The following SORCS3 variants were observed in gnomAD, a reference collection of about 807,000 sequenced individuals.
The protein encoded by SORCS3 is sortilin related VPS10 domain containing receptor 3, also known as VPS10 domain-containing receptor SorCS3.
SORCS3 carries 57 observed loss-of-function variants against 146.3 expected under a neutral mutation model. The ratio of observed to expected loss-of-function variants is 0.39; its 90% CI spans 0.31 to 0.49. The LOEUF (loss-of-function observed/expected upper bound fraction) is 0.49, where lower values mean the gene tolerates loss of function less well. Among genes scored for constraint, SORCS3 ranks in the 20% least tolerant of loss-of-function variants. The pLI is 0.92. For synonymous variants in SORCS3, 653 were observed against 618.5 expected, an observed-to-expected ratio of 1.06 and a Z score of -0.83; for missense variants, 1,341 against 1,575.5, an observed-to-expected ratio of 0.85 and a Z score of 2.52.
intron 5 of SORCS3, among the ~76,000 whole-genome samples, chr10:105,088,048 C>A (rs1197912250): frequency 6.6e-6 from 1 of 152,138 alleles, no homozygotes; most frequent in Non-Finnish European, 1.5e-5. Context: ...GGAAGGACTG[C>A]TGGAGGGGCA....
At chr10:104,649,230 AG>A (rs1256175849) in intron 1 of SORCS3, among the ~76,000 whole-genome samples, 1 of 152,146 alleles carries the variant, frequency 6.6e-6, no homozygotes, top group Non-Finnish European at 1.5e-5. Context: ...TGGATTTTGC[AG>A]CCAGGTGCCT....
intron 7 of SORCS3, among the ~76,000 whole-genome samples, chr10:105,112,827 C>G (rs11192321): frequency 4.6e-5 from 7 of 152,030 alleles, no homozygotes; most frequent in Admixed American, 2.6e-4. Context: ...AAGATGAGGA[C>G]GAGAGACTTT....
chr10:104,835,805 T>C (rs1347140713), intron 1 of SORCS3, among the ~76,000 whole-genome samples: 1 of 152,238 alleles, frequency 6.6e-6, no homozygotes, highest in African/African-American at 2.4e-5. Flanking sequence ...CTAGAAGCTC[T>C]TGTCTTCTGA....
intron 4 of SORCS3, among the ~76,000 whole-genome samples, chr10:105,016,155 A>ATATTTTTTT (rs71482443): frequency 4.9e-5 from 5 of 101,344 alleles, no homozygotes; most frequent in African/African-American, 1.9e-4. Context: ...ATATATATAT[A>ATATTTTTTT]TTTTTTTTTT....
At position 104,815,448 on chromosome 10, in the gene SORCS3, C is replaced by CAAA. The variant is rs5787549; in HGVS notation, c.628-27323_628-27321dup. 2.6e-3 allele frequency among the ~76,000 whole-genome samples: 207 copies of CAAA among 78,852 alleles called. 4 individuals carry two copies. The highest frequency in any genetic ancestry group is 7.6e-3 in the Middle Eastern group (1 of 132). 51.7% of individuals were successfully genotyped at this position (78,852 alleles called of 152,430 possible). A position where few individuals can be genotyped will look rare whatever the true frequency, so the allele number is the denominator to read the frequency against. ...TAGGTGACAGAGCCAGACCCTGTCTCAAAAAAAAAAAAAAAAAAAAAAAGT... is the reference window on the plus strand; with the variant it reads ...TAGGTGACAGAGCCAGACCCTGTCTCAAAAAAAAAAAAAAAAAAAAAAAAAAGT... On this transcript the variant is annotated intron_variant, in intron 1 of 26. Transcript: ENST00000369701.
intron 6 of SORCS3, among the ~76,000 whole-genome samples, chr10:105,095,664 G>C (rs565774916): frequency 6.8e-6 from 1 of 146,788 alleles, no homozygotes; most frequent in African/African-American, 2.5e-5. Flanking sequence ...CTCCATGGGA[G>C]CCATGTTTGC....
At chr10:104,696,429 T>TATA (rs2016197952) in intron 1 of SORCS3, among the ~76,000 whole-genome samples, 1 of 74,658 alleles carries the variant, frequency 1.3e-5, no homozygotes, top group African/African-American at 5.1e-5. Context: ...TAATATATAA[T>TATA]ATAGAATATA....
intron 5 of SORCS3, among the ~76,000 whole-genome samples, chr10:105,051,524 T>A (rs1425297308): frequency 1.3e-5 from 2 of 152,144 alleles, no homozygotes; most frequent in African/African-American, 4.8e-5. Flanking sequence ...AAGACTCAGC[T>A]GCCAAGTCAT....
At chr10:104,908,051 G>C (rs947550968) in intron 2 of SORCS3, among the ~76,000 whole-genome samples, 5 of 152,182 alleles carry the variant, frequency 3.3e-5, no homozygotes, top group African/African-American at 1.2e-4. Context: ...GCTGTGCTGT[G>C]GGAACTCCTG....
At chr10:104,750,030 A>G (rs544637371) in intron 1 of SORCS3, among the ~76,000 whole-genome samples, 1 of 152,360 alleles carries the variant, frequency 6.6e-6, no homozygotes, top group African/African-American at 2.4e-5. Context: ...ACATTTTAAA[A>G]GCAATTTGTT....
At chr10:104,793,213 C>T (rs958163435) in intron 1 of SORCS3, among the ~76,000 whole-genome samples, 4 of 152,166 alleles carry the variant, frequency 2.6e-5, no homozygotes, top group Admixed American at 2.0e-4. Flanking sequence ...TACACAGACT[C>T]TACAATTAGG....
rs973714671 is a variant in SORCS3 at position 104,798,408 on chromosome 10, T to A, written c.628-44384T>A. Among the ~76,000 whole-genome samples, 24 of 152,194 alleles carry A rather than the reference T, an allele frequency of 1.6e-4. 4 individuals are homozygous for A. The highest frequency in any genetic ancestry group is 1.5e-3 in the Admixed American group (23 of 15,284). ...TTTTTTTTCTTCTATAAACCCCATA[T>A]TTCTCAAAGCCTCAAGTCATCTGCA... On this transcript the variant is annotated intron_variant, in intron 1 of 26. Transcript: ENST00000369701.
At chr10:104,923,570 T>C (rs1379271650) in intron 3 of SORCS3, among the ~76,000 whole-genome samples, 1 of 152,166 alleles carries the variant, frequency 6.6e-6, no homozygotes, top group Non-Finnish European at 1.5e-5. Flanking sequence ...TCACACGCAT[T>C]ACCCAGGGAC....
At chr10:105,254,299 TG>T (rs1020941443) in intron 23 of SORCS3, among the ~76,000 whole-genome samples, 9 of 152,180 alleles carry the variant, frequency 5.9e-5, no homozygotes, top group African/African-American at 2.2e-4. Flanking sequence ...GAGCTAATGA[TG>T]GGTTGAACTT....
intron 5 of SORCS3, among the ~76,000 whole-genome samples, chr10:105,085,901 T>G (rs1284976288): frequency 6.6e-6 from 1 of 152,158 alleles, no homozygotes; most frequent in Non-Finnish European, 1.5e-5. Flanking sequence ...CTCTGTTTCT[T>G]TCTCTATCTC....
intron 3 of SORCS3, among the ~76,000 whole-genome samples, chr10:104,947,440 G>C (rs893900667): frequency 6.6e-6 from 1 of 152,070 alleles, no homozygotes. Flanking sequence ...TTTCCTCTTG[G>C]GGGAGGCACA....
intron 1 of SORCS3, among the ~76,000 whole-genome samples, chr10:104,683,778 A>G (rs1393459156): frequency 2.0e-5 from 3 of 152,152 alleles, no homozygotes; most frequent in Non-Finnish European, 4.4e-5. Flanking sequence ...CTCCACATCT[A>G]TGAAAAGTCT....
chr10:104,854,111 C>T (rs1046967505), intron 2 of SORCS3, among the ~76,000 whole-genome samples: 1 of 152,210 alleles, frequency 6.6e-6, no homozygotes, highest in African/African-American at 2.4e-5. Flanking sequence ...AACATTGTCT[C>T]AGCCCTGGAC....
At chr10:105,214,764 G>A in intron 18 of SORCS3, 151 bp downstream of exon 18, 1 of 759,554 alleles carries the variant, frequency 1.3e-6, no homozygotes, top group East Asian at 2.8e-5. Flanking sequence ...AAGGGTGAAA[G>A]AGGGCTTAGG....
Sources: allele counts gnomAD v4.1 joint callset (sites outside exome capture counted in the v4.1 genomes callset), GRCh38; gene constraint gnomAD v4.1.1; transcripts MANE v1.5; gene names NCBI Gene and HGNC (gene_info 2026-07-23, HGNC 2026-07-21).